TMEM170B: variants seen among roughly 807,000 people sequenced by gnomAD.
The protein encoded by TMEM170B is transmembrane protein 170B.
Under a neutral mutation model 13.0 loss-of-function variants are expected in TMEM170B, and 6 were observed. The observed-to-expected ratio is 0.46, with a 90% CI of 0.25 to 0.91. The LOEUF (loss-of-function observed/expected upper bound fraction) is 0.91, where lower values mean the gene tolerates loss of function less well. Among genes scored for constraint, TMEM170B ranks in the 40% least tolerant of loss-of-function variants. The pLI is 0.17. For missense variants in TMEM170B, 138 were observed against 165.2 expected (o/e 0.84, Z 0.90); for synonymous variants, 61 against 64.9 (o/e 0.94, Z 0.29).
At chr6:11,542,630 C>T (rs1423126079) in intron 1 of TMEM170B, among the ~76,000 whole-genome samples, 1 of 152,156 alleles carries the variant, frequency 6.6e-6, no homozygotes, top group Non-Finnish European at 1.5e-5. Flanking sequence ...GAGTGTACCA[C>T]GTTAGGAACC....
At chr6:11,569,919 G>A (rs1759779664) in intron 2 of TMEM170B, among the ~76,000 whole-genome samples, 1 of 151,136 alleles carries the variant, frequency 6.6e-6, no homozygotes, top group Non-Finnish European at 1.5e-5. Context: ...TTTAATCCCA[G>A]TGGTTTTGTG....
intron 1 of TMEM170B, among the ~76,000 whole-genome samples, chr6:11,561,326 T>C (rs1220769022): frequency 6.6e-6 from 1 of 152,200 alleles, no homozygotes; most frequent in Non-Finnish European, 1.5e-5. Context: ...AGGTGGGGTA[T>C]GAGTGGAGAG....
rs556133212 is a variant in TMEM170B at position 11,548,485 on chromosome 6, A to G, written c.97+10111A>G. Among the ~76,000 whole-genome samples, 16 of 152,120 alleles carry G rather than the reference A, an allele frequency of 1.1e-4. No individual in the cohort carries two copies. The South Asian group carries it at 3.3e-3, about 32-fold the overall frequency. ...ACTTTTACACTGTTGGTGGGACTGT[A>G]AACTAGTTCAACCATTGTGGAAAAC... On this transcript the variant is annotated intron_variant, in intron 1 of 2. Coordinates refer to ENST00000379426, the MANE Select transcript of TMEM170B (RefSeq NM_001100829.3).
At chr6:11,545,450 G>A (rs1759424423) in intron 1 of TMEM170B, among the ~76,000 whole-genome samples, 2 of 152,002 alleles carry the variant, frequency 1.3e-5, no homozygotes, top group African/African-American at 4.8e-5. Flanking sequence ...TAACTTTCCA[G>A]TCAAAGAAGG....
chr6:11,537,854 G>A lies in TMEM170B; in HGVS notation c.-424G>A, dbSNP rs1759300366. On this transcript the variant is annotated 5_prime_UTR_variant, in exon 1 of 3. Coordinates refer to ENST00000379426, the MANE Select transcript of TMEM170B (RefSeq NM_001100829.3). The stretch of plus-strand genomic sequence containing the variant: ...CTCCGGCGGCGATGAGCTGGGCCCT[G>A]TCGGGGGCTGCACCTGCCGGCTGCC... 1.3e-5 allele frequency among the ~76,000 whole-genome samples: 2 copies of A among 151,710 alleles called. No individual in the cohort carries two copies. Among genetic ancestry groups the A allele is most frequent in the South Asian group, 2.1e-4 (1 of 4,828 alleles).
intron 1 of TMEM170B, among the ~76,000 whole-genome samples, chr6:11,549,049 T>G (rs1242684747): frequency 1.3e-5 from 2 of 152,184 alleles, no homozygotes; most frequent in Middle Eastern, 6.8e-3. Context: ...GTTGTGCACA[T>G]GTACCCTAGA....
intron 2 of TMEM170B, among the ~76,000 whole-genome samples, chr6:11,570,822 A>G (rs887207556): frequency 3.9e-5 from 6 of 152,226 alleles, no homozygotes; most frequent in Non-Finnish European, 8.8e-5. Flanking sequence ...CTTGGAATGC[A>G]AAGATAATTC....
chr6:11,539,162 C>T (rs1005607390), intron 1 of TMEM170B, among the ~76,000 whole-genome samples: 1 of 152,030 alleles, frequency 6.6e-6, no homozygotes, highest in African/African-American at 2.4e-5. Context: ...TGTGAAGAAA[C>T]TTCTGGTTTT....
intron 1 of TMEM170B, among the ~76,000 whole-genome samples, chr6:11,562,221 C>G (rs1759675495): frequency 6.6e-6 from 1 of 151,904 alleles, no homozygotes; most frequent in African/African-American, 2.4e-5. Context: ...CTTAGGAAAA[C>G]TGTATCTTTC....
chr6:11,565,648 C>T lies in TMEM170B; in HGVS notation c.98-18C>T. On this transcript the variant is annotated intron_variant, in intron 1 of 2. Transcript: ENST00000379426. ...GTTGTGTTTCAACAGATGATTAATA[C>T]TTTGCTTTTCCTTTCAGAGATGTGG... is the stretch of plus-strand genomic sequence containing the variant. 1.9e-6 allele frequency: 3 copies of T among 1,613,390 alleles called. No homozygotes were observed. The highest frequency in any genetic ancestry group is 2.5e-6 in the Non-Finnish European group (3 of 1,179,476).
At chr6:11,543,134 C>T (rs992933926) in intron 1 of TMEM170B, among the ~76,000 whole-genome samples, 17 of 152,108 alleles carry the variant, frequency 1.1e-4, no homozygotes, top group Admixed American at 4.6e-4. Flanking sequence ...TTTTCAATTA[C>T]GTTATAATTT....
chr6:11,559,452 C>T (rs898476139), intron 1 of TMEM170B, among the ~76,000 whole-genome samples: 2 of 152,158 alleles, frequency 1.3e-5, no homozygotes, highest in Non-Finnish European at 2.9e-5. Flanking sequence ...TCCCAAACTG[C>T]TGGGATTACA....
chr6:11,546,013 A>G (rs1759435168), intron 1 of TMEM170B, among the ~76,000 whole-genome samples: 4 of 16,186 alleles, frequency 2.5e-4, no homozygotes, highest in African/African-American at 3.3e-4. Context: ...CTCCGTCTTT[A>G]AAAAAAAAAA....
chr6:11,550,026 C>T (rs930962174), intron 1 of TMEM170B, among the ~76,000 whole-genome samples: 5 of 152,096 alleles, frequency 3.3e-5, no homozygotes, highest in East Asian at 1.9e-4. Flanking sequence ...TAAATAAAGA[C>T]GGGGTCTCGC....
At chr6:11,538,433 C>T (rs1024630258) in intron 1 of TMEM170B, 59 bp downstream of exon 1, 12 of 1,309,896 alleles carry the variant, frequency 9.2e-6, no homozygotes, top group Admixed American at 2.7e-5. Context: ...CTGTCTTCTC[C>T]TTCCTCGGGA....
rs1236440882 is a variant in TMEM170B, at chr6:11,579,904, T to C, written c.*4343T>C. 6.6e-6 allele frequency: 1 copy of C among 152,268 alleles called. No homozygotes were observed. The highest frequency in any genetic ancestry group is 2.4e-5 in the African/African-American group (1 of 41,474). 9.4% of individuals were successfully genotyped at this position (152,268 alleles called of 1,614,324 possible). A position where few individuals can be genotyped will look rare whatever the true frequency, so the allele number is the denominator to read the frequency against. ...CTTCTGCCGGCCCTGGGCCCTTGGCTCTACAGTGTAGTGCCAATTCTGTAG... is the reference window on the plus strand; with the variant it reads ...CTTCTGCCGGCCCTGGGCCCTTGGCCCTACAGTGTAGTGCCAATTCTGTAG... On this transcript the variant is annotated 3_prime_UTR_variant, in exon 3 of 3. Coordinates refer to ENST00000379426, the MANE Select transcript of TMEM170B (RefSeq NM_001100829.3).
At chr6:11,544,946 A>G (rs573956276) in intron 1 of TMEM170B, among the ~76,000 whole-genome samples, 31 of 151,528 alleles carry the variant, frequency 2.0e-4, no homozygotes, top group African/African-American at 7.3e-4. Flanking sequence ...TCTACAATTA[A>G]ATGTTTTTTT....
intron 2 of TMEM170B, among the ~76,000 whole-genome samples, chr6:11,574,437 A>C (rs1313651236): frequency 6.6e-6 from 1 of 152,168 alleles, no homozygotes; most frequent in African/African-American, 2.4e-5. Flanking sequence ...TTGACAAGTA[A>C]AAATTATATT....
chr6:11,544,297 G>A (rs1759401019), intron 1 of TMEM170B, among the ~76,000 whole-genome samples: 2 of 152,004 alleles, frequency 1.3e-5, no homozygotes, highest in African/African-American at 2.4e-5. Flanking sequence ...TTCAGATTTC[G>A]GATTTTCAGG....
Sources: gnomAD v4.1 joint callset for allele counts (sites outside exome capture counted in the v4.1 genomes callset) on GRCh38, gnomAD v4.1.1 for gene constraint, MANE v1.5 for transcripts, NCBI Gene and HGNC (gene_info 2026-07-23, HGNC 2026-07-21) for gene names.